HHAT: variants seen among roughly 807,000 people sequenced by gnomAD.
HHAT encodes protein-cysteine N-palmitoyltransferase HHAT.
A neutral mutation model predicts 70.8 loss-of-function variants in HHAT; 47 were observed. That is an observed-to-expected ratio of 0.66 (90% CI 0.53 to 0.85). The LOEUF (loss-of-function observed/expected upper bound fraction) is 0.85, where lower values mean the gene tolerates loss of function less well. Among genes scored for constraint, HHAT ranks in the 40% least tolerant of loss-of-function variants. The pLI is 0.00. For missense variants in HHAT, 609 were observed against 604.8 expected (o/e 1.01, Z -0.07); for synonymous variants, 228 against 247.6 (o/e 0.92, Z 0.74).
intron 8 of HHAT, among the ~76,000 whole-genome samples, chr1:210,467,651 G>A (rs1366266166): frequency 6.6e-6 from 1 of 152,176 alleles, no homozygotes; most frequent in Non-Finnish European, 1.5e-5. Flanking sequence ...TTCACATGGT[G>A]ACATAAAGGG....
chr1:210,357,035 C>G (rs1268125729), intron 2 of HHAT, among the ~76,000 whole-genome samples: 2 of 152,212 alleles, frequency 1.3e-5, no homozygotes, highest in Non-Finnish European at 2.9e-5. Flanking sequence ...GTGGAACAAC[C>G]AAGGCTCCAA....
intron 9 of HHAT, among the ~76,000 whole-genome samples, chr1:210,560,484 A>C (rs976237306): frequency 3.9e-5 from 6 of 152,010 alleles, no homozygotes; most frequent in Non-Finnish European, 2.9e-5. Flanking sequence ...AGTTAAAAAG[A>C]ACCTTGTAAA....
intron 11 of HHAT, among the ~76,000 whole-genome samples, chr1:210,663,235 C>T (rs61827449): frequency 0.048 from 7,316 of 152,198 alleles, 265 homozygotes; most frequent in Non-Finnish European, 0.075. Flanking sequence ...ATGGGGGGAC[C>T]GAGTGAGTGA....
At chr1:210,610,336 A>C (rs74514724) in intron 10 of HHAT, among the ~76,000 whole-genome samples, 92 of 151,914 alleles carry the variant, frequency 6.1e-4, no homozygotes, top group Middle Eastern at 3.4e-3. Flanking sequence ...AGTGTCTTTC[A>C]TGTCCTTTCC....
At chr1:210,672,428 C>T (rs17188423) in intron 11 of HHAT, among the ~76,000 whole-genome samples, 2,606 of 152,334 alleles carry the variant, frequency 0.017, 36 homozygotes, top group Middle Eastern at 0.031. Context: ...GGTGGTCTTC[C>T]TCTAGTAGCT....
At chr1:210,534,936 A>T (rs923416598) in intron 9 of HHAT, among the ~76,000 whole-genome samples, 1 of 152,104 alleles carries the variant, frequency 6.6e-6, no homozygotes, top group Non-Finnish European at 1.5e-5. Flanking sequence ...GACCTTCTGG[A>T]TTGGGTTGAT....
chr1:210,385,788 C>T lies in HHAT; in HGVS notation c.160-1680C>T, dbSNP rs187211658. ...AGCACATGGGTCTAGCAGTTAGTAGCGGGTACTGCTGTTTAATAGCACTGT... is the reference window on the plus strand; with the variant it reads ...AGCACATGGGTCTAGCAGTTAGTAGTGGGTACTGCTGTTTAATAGCACTGT... On this transcript the variant is annotated intron_variant, in intron 3 of 11. Transcript: ENST00000261458. 5.2e-4 allele frequency among the ~76,000 whole-genome samples: 79 copies of T among 152,148 alleles called. 1 individual carries two copies. The highest frequency in any genetic ancestry group is 2.1e-4 in the South Asian group (1 of 4,822).
intron 11 of HHAT, among the ~76,000 whole-genome samples, chr1:210,645,990 A>G (rs1673975438): frequency 6.6e-6 from 1 of 152,182 alleles, no homozygotes; most frequent in Non-Finnish European, 1.5e-5. Context: ...CAGTTCTGCA[A>G]CTGGGACCTG....
chr1:210,362,115 G>A (rs886182103), intron 2 of HHAT, among the ~76,000 whole-genome samples: 1 of 151,854 alleles, frequency 6.6e-6, no homozygotes, highest in African/African-American at 2.4e-5. Context: ...CAAATCAACT[G>A]TATTGTTTAC....
At chr1:210,637,671 C>T (rs1031778711) in intron 11 of HHAT, among the ~76,000 whole-genome samples, 1 of 152,068 alleles carries the variant, frequency 6.6e-6, no homozygotes, top group Admixed American at 6.6e-5. Context: ...ACCATCCTGG[C>T]CAACATGTTG....
At position 210,605,060 on chromosome 1, in the gene HHAT, A is replaced by G. The variant is rs562484343; in HGVS notation, c.1245+16961A>G. Among the ~76,000 whole-genome samples, 34 of 151,970 alleles carry G rather than the reference A, an allele frequency of 2.2e-4. No individual in the cohort carries two copies. In the East Asian group the frequency reaches 6.6e-3, roughly 29 times the overall value. On this transcript the variant is annotated intron_variant, in intron 10 of 11. Coordinates refer to ENST00000261458, the MANE Select transcript of HHAT (RefSeq NM_018194.6). ...AACAACAACAAAGAAATTGAAAGAT[A>G]GAGGTGTCATTCTCCAGAACAAACT...
intron 11 of HHAT, among the ~76,000 whole-genome samples, chr1:210,647,107 C>T (rs926016028): frequency 1.3e-5 from 2 of 152,152 alleles, no homozygotes; most frequent in African/African-American, 2.4e-5. Flanking sequence ...ATAATCCAAG[C>T]GTCAGAAGCG....
chr1:210,466,756 C>T (rs1023733978), intron 8 of HHAT, among the ~76,000 whole-genome samples: 1 of 125,302 alleles, frequency 8.0e-6, no homozygotes, highest in African/African-American at 2.9e-5. Context: ...TTGTCTTGTC[C>T]TTTATTTTAA....
intron 7 of HHAT, among the ~76,000 whole-genome samples, chr1:210,423,142 C>T (rs115601976): frequency 5.7e-4 from 87 of 152,268 alleles, no homozygotes; most frequent in Non-Finnish European, 1.0e-3. Flanking sequence ...GAAGGACTTC[C>T]ATACTGTTCC....
intron 3 of HHAT, among the ~76,000 whole-genome samples, chr1:210,371,188 A>G (rs141246428): frequency 5.1e-4 from 78 of 151,898 alleles, no homozygotes; most frequent in African/African-American, 1.8e-3. Flanking sequence ...GTCTCACTCT[A>G]TTGCCTGTGT....
At chr1:210,468,207 C>G (rs750435549) in intron 8 of HHAT, among the ~76,000 whole-genome samples, 1 of 152,102 alleles carries the variant, frequency 6.6e-6, no homozygotes, top group South Asian at 2.1e-4. Flanking sequence ...TTGGATTTCA[C>G]GTTTTAATTT....
intron 8 of HHAT, among the ~76,000 whole-genome samples, chr1:210,465,482 C>T (rs575555012): frequency 1.3e-5 from 2 of 152,290 alleles, no homozygotes; most frequent in East Asian, 1.9e-4. Context: ...CCATAGGAGT[C>T]GGTGCCTTAT....
chr1:210,349,106 A>T, intron 2 of HHAT, 40 bp downstream of exon 2: 3 of 1,599,112 alleles, frequency 1.9e-6, no homozygotes, highest in Non-Finnish European at 2.6e-6. Context: ...TCAAACAAGG[A>T]AACTCCTGTC....
chr1:210,524,564 A>G (rs893910817), intron 9 of HHAT, among the ~76,000 whole-genome samples: 1 of 152,174 alleles, frequency 6.6e-6, no homozygotes, highest in Non-Finnish European at 1.5e-5. Context: ...CTGAGGCTGG[A>G]GGAAGAGGGA....
Sources: gnomAD v4.1 joint callset for allele counts (sites outside exome capture counted in the v4.1 genomes callset) on GRCh38, gnomAD v4.1.1 for gene constraint, MANE v1.5 for transcripts, NCBI Gene and HGNC (gene_info 2026-07-23, HGNC 2026-07-21) for gene names.